RALYL: variants seen among roughly 807,000 people sequenced by gnomAD.
RALYL encodes RALY RNA binding protein like.
In RALYL, 29 loss-of-function variants were observed where a neutral mutation model predicts 35.1. The observed-to-expected ratio is 0.83, with a 90% CI of 0.61 to 1.13. The LOEUF (loss-of-function observed/expected upper bound fraction) is 1.13. Among genes scored for constraint, RALYL ranks in the 50% most tolerant of loss-of-function variants. The probability of loss-of-function intolerance (pLI) is 0.00; values close to 1 mark genes in which losing one functional copy is unlikely to be tolerated. For missense variants in RALYL, 359 were observed against 360.4 expected, an observed-to-expected ratio of 1.00 and a Z score of 0.03; for synonymous variants, 120 against 127.6, an observed-to-expected ratio of 0.94 and a Z score of 0.40.
chr8:84,752,901 G>A (rs1299726363), intron 2 of RALYL, among the ~76,000 whole-genome samples: 1 of 152,158 alleles, frequency 6.6e-6, no homozygotes, highest in African/African-American at 2.4e-5. Flanking sequence ...ACCTCTACTA[G>A]GACAGTGTAA....
At chr8:84,225,188 ATG>A (rs1823578053) in intron 1 of RALYL, among the ~76,000 whole-genome samples, 1 of 152,176 alleles carries the variant, frequency 6.6e-6, no homozygotes, top group Non-Finnish European at 1.5e-5. Context: ...CTGGTATAAA[ATG>A]TGTGTTGAAA....
intron 2 of RALYL, among the ~76,000 whole-genome samples, chr8:84,673,175 GA>G (rs1338435058): frequency 6.6e-6 from 1 of 152,032 alleles, no homozygotes; most frequent in African/African-American, 2.4e-5. Context: ...GTCTTCTTTT[GA>G]AAAATGTCTG....
intron 4 of RALYL, among the ~76,000 whole-genome samples, chr8:84,827,449 G>A (rs1056946071): frequency 9.2e-5 from 14 of 152,168 alleles, no homozygotes; most frequent in African/African-American, 3.1e-4. Context: ...AGATTAGAAC[G>A]TGCAGACAAT....
intron 1 of RALYL, among the ~76,000 whole-genome samples, chr8:84,379,838 T>C (rs1298723599): frequency 6.6e-6 from 1 of 151,364 alleles, no homozygotes; most frequent in Non-Finnish European, 1.5e-5. Context: ...TGGAAACATC[T>C]TAGCTTTGGT....
chr8:84,790,512 G>T (rs945525262), intron 3 of RALYL, among the ~76,000 whole-genome samples: 1 of 152,146 alleles, frequency 6.6e-6, no homozygotes, highest in Non-Finnish European at 1.5e-5. Context: ...AATGGATCTG[G>T]TGCAGAAGGA....
intron 2 of RALYL, among the ~76,000 whole-genome samples, chr8:84,634,819 G>T (rs770371760): frequency 6.6e-6 from 1 of 151,624 alleles, no homozygotes; most frequent in Non-Finnish European, 1.5e-5. Flanking sequence ...CAACCACTCC[G>T]ATTTTTCTTG....
intron 2 of RALYL, among the ~76,000 whole-genome samples, chr8:84,630,275 C>T (rs1823633153): frequency 6.6e-6 from 1 of 151,892 alleles, no homozygotes; most frequent in Non-Finnish European, 1.5e-5. Context: ...AGCTTGGCTA[C>T]CTAGTGTGCT....
In RALYL at chr8:84,832,296, G is replaced by T. The variant is rs187624090; in HGVS notation, c.366-17684G>T. Among the ~76,000 whole-genome samples the T allele has an allele frequency of 6.6e-5, 10 of 152,012 alleles. No individual in the cohort carries two copies. In the East Asian group the frequency reaches 1.7e-3, roughly 26 times the overall value. On this transcript the variant is annotated intron_variant, in intron 4 of 8. Coordinates refer to ENST00000521268, the MANE Select transcript of RALYL (RefSeq NM_173848.7). The stretch of plus-strand genomic sequence containing the variant: ...TTAATTTGTTTTTGTTCCAGATTAC[G>T]TTGATAGATTTCCAGACCTGAAACT...
intron 8 of RALYL, among the ~76,000 whole-genome samples, chr8:84,919,295 T>C (rs977324114): frequency 5.9e-5 from 9 of 152,096 alleles, no homozygotes; most frequent in African/African-American, 2.2e-4. Flanking sequence ...AATTCAAACA[T>C]TGTAATACCT....
chr8:84,283,752 A>C (rs1563666265), intron 1 of RALYL, among the ~76,000 whole-genome samples: 1 of 152,142 alleles, frequency 6.6e-6, no homozygotes, highest in Non-Finnish European at 1.5e-5. Flanking sequence ...TGGCTTACCC[A>C]AGAGAAATTG....
At chr8:84,621,238 G>C (rs1426093402) in intron 2 of RALYL, among the ~76,000 whole-genome samples, 1 of 152,128 alleles carries the variant, frequency 6.6e-6, no homozygotes, top group Non-Finnish European at 1.5e-5. Flanking sequence ...TAGCAATCAG[G>C]GAGACTCCGT....
At chr8:84,785,545 C>A (rs901241206) in intron 3 of RALYL, among the ~76,000 whole-genome samples, 1 of 152,116 alleles carries the variant, frequency 6.6e-6, no homozygotes, top group African/African-American at 2.4e-5. Context: ...TTCCTTCAAA[C>A]TCGGTGCAGT....
At chr8:84,210,933 A>G (rs1175496428) in intron 1 of RALYL, among the ~76,000 whole-genome samples, 2 of 152,126 alleles carry the variant, frequency 1.3e-5, no homozygotes, top group Admixed American at 6.6e-5. Context: ...TATTGCTTAT[A>G]TAATTATAGT....
Position 84,887,698 on chromosome 8 carries a change from A to T in RALYL, c.780A>T (p.Glu260Asp). The T allele has an allele frequency of 6.2e-7, 1 of 1,613,936 alleles. No homozygotes were observed. Residue 260 changes from glutamate (E) to aspartate (D), a missense_variant, in exon 8 of 9, where the codon GAA (glutamate) becomes GAT (aspartate). Glu to Asp is a conservative substitution (Grantham distance 45). Coordinates refer to ENST00000521268, the MANE Select transcript of RALYL (RefSeq NM_173848.7). ...IADHSTEEPA[E>D]GGPDADGEEM... Reference sequence around the variant, plus strand: ...ATCACTCTACAGAGGAGCCTGCTGAAGGAGGGCCAGATGCCGATGGAGAAG... The same window carrying T: ...ATCACTCTACAGAGGAGCCTGCTGATGGAGGGCCAGATGCCGATGGAGAAG...
intron 1 of RALYL, among the ~76,000 whole-genome samples, chr8:84,423,482 A>G (rs979121207): frequency 3.3e-5 from 5 of 152,056 alleles, no homozygotes; most frequent in African/African-American, 9.7e-5. Flanking sequence ...CAGCACACTG[A>G]TGGATCTTGA....
chr8:84,741,354 A>G (rs1005202780), intron 2 of RALYL, among the ~76,000 whole-genome samples: 1 of 151,998 alleles, frequency 6.6e-6, no homozygotes, highest in Non-Finnish European at 1.5e-5. Context: ...CTTAGTTTGC[A>G]TGTGCTGCTG....
At chr8:84,198,975 G>C (rs1816145144) in intron 1 of RALYL, among the ~76,000 whole-genome samples, 1 of 152,148 alleles carries the variant, frequency 6.6e-6, no homozygotes, top group South Asian at 2.1e-4. Flanking sequence ...CTATCTCTTT[G>C]ATATACTAAT....
intron 1 of RALYL, among the ~76,000 whole-genome samples, chr8:84,201,099 A>G (rs1288277368): frequency 1.3e-5 from 2 of 152,190 alleles, no homozygotes; most frequent in Non-Finnish European, 2.9e-5. Flanking sequence ...CTTATTCTCT[A>G]TTAAATCAGA....
chr8:84,768,174 A>T (rs1048465384), intron 2 of RALYL, among the ~76,000 whole-genome samples: 1 of 152,112 alleles, frequency 6.6e-6, no homozygotes, highest in Non-Finnish European at 1.5e-5. Flanking sequence ...AGGGAACAAA[A>T]CCTCAGGAGA....
Sources: gnomAD v4.1 joint callset for allele counts (sites outside exome capture counted in the v4.1 genomes callset) on GRCh38, gnomAD v4.1.1 for gene constraint, MANE v1.5 for transcripts, NCBI Gene and HGNC (gene_info 2026-07-23, HGNC 2026-07-21) for gene names.